PXDNL: variants seen among roughly 807,000 people sequenced by gnomAD.
The protein encoded by PXDNL is probable oxidoreductase PXDNL.
PXDNL carries 145 observed loss-of-function variants against 150.8 expected under a neutral mutation model. The ratio of observed to expected loss-of-function variants is 0.96; its 90% CI spans 0.84 to 1.10. PXDNL has a LOEUF of 1.10. Ranked by LOEUF, PXDNL falls within the 50% of genes least tolerant of loss-of-function variation. The pLI, the probability that PXDNL is intolerant of heterozygous loss-of-function variation, is 0.00. For synonymous variants in PXDNL, 757 were observed against 725.7 expected, an observed-to-expected ratio of 1.04 and a Z score of -0.69; for missense variants, 2,087 against 1,873.9, an observed-to-expected ratio of 1.11 and a Z score of -2.10.
At chr8:51,483,931 G>A (rs1810662902) in intron 5 of PXDNL, among the ~76,000 whole-genome samples, 1 of 151,968 alleles carries the variant, frequency 6.6e-6, no homozygotes, top group Non-Finnish European at 1.5e-5. Flanking sequence ...TCACATCTGT[G>A]TACTTTTGAT....
chr8:51,575,225 G>A (rs1375216060), intron 3 of PXDNL, among the ~76,000 whole-genome samples: 2 of 151,722 alleles, frequency 1.3e-5, no homozygotes, highest in Non-Finnish European at 2.9e-5. Context: ...TTTAATACCT[G>A]AGCACCCACT....
intron 2 of PXDNL, among the ~76,000 whole-genome samples, chr8:51,614,389 G>T (rs1323780387): frequency 6.6e-6 from 1 of 152,198 alleles, no homozygotes; most frequent in Non-Finnish European, 1.5e-5. Context: ...GCCAATTGCA[G>T]GTGGCCAACT....
intron 5 of PXDNL, among the ~76,000 whole-genome samples, chr8:51,493,649 G>C (rs1810957811): frequency 6.6e-6 from 1 of 152,186 alleles, no homozygotes; most frequent in Non-Finnish European, 1.5e-5. Context: ...AGCCTCAGTA[G>C]CCGATTTGAT....
chr8:51,629,192 A>G (rs1428368863), intron 2 of PXDNL, among the ~76,000 whole-genome samples: 1 of 152,226 alleles, frequency 6.6e-6, no homozygotes, highest in Non-Finnish European at 1.5e-5. Flanking sequence ...ATAGAGAAAT[A>G]GAAAGTATGT....
chr8:51,603,429 G>T (rs73678925), intron 2 of PXDNL, among the ~76,000 whole-genome samples: 5,382 of 152,016 alleles, frequency 0.035, 326 homozygotes, highest in African/African-American at 0.12. Flanking sequence ...CCTTGTGTGT[G>T]CTATGTAGTT....
At chr8:51,633,718 T>C (rs557115606) in intron 2 of PXDNL, among the ~76,000 whole-genome samples, 34 of 152,320 alleles carry the variant, frequency 2.2e-4, no homozygotes, top group Admixed American at 1.5e-3. Context: ...TCAATTTGCA[T>C]TTCTCAGATG....
chr8:51,458,511 T>C (rs1809989711), intron 8 of PXDNL, among the ~76,000 whole-genome samples: 1 of 152,238 alleles, frequency 6.6e-6, no homozygotes. Flanking sequence ...ATGAACGTTT[T>C]AGGCATAGAT....
intron 4 of PXDNL, among the ~76,000 whole-genome samples, chr8:51,537,569 CAG>C (rs1232211863): frequency 6.6e-6 from 1 of 152,182 alleles, no homozygotes; most frequent in Non-Finnish European, 1.5e-5. Flanking sequence ...CAAAGAGCAA[CAG>C]GGGGGAAGAG....
intron 4 of PXDNL, among the ~76,000 whole-genome samples, chr8:51,541,182 C>T (rs770336998): frequency 6.7e-5 from 10 of 148,664 alleles, no homozygotes; most frequent in Admixed American, 2.0e-4. Flanking sequence ...CACTTGAACC[C>T]GGGAGGCAGA....
intron 1 of PXDNL, among the ~76,000 whole-genome samples, chr8:51,670,237 A>ACG (rs1815472259): frequency 6.6e-6 from 1 of 151,384 alleles, no homozygotes; most frequent in Non-Finnish European, 1.5e-5. Flanking sequence ...ATTCCGTCTC[A>ACG]CACACACACA....
intron 1 of PXDNL, among the ~76,000 whole-genome samples, chr8:51,700,314 T>C (rs1203116435): frequency 1.3e-5 from 2 of 150,784 alleles, no homozygotes; most frequent in African/African-American, 2.4e-5. Context: ...TATACACACA[T>C]ACAAAAATAA....
intron 14 of PXDNL, among the ~76,000 whole-genome samples, chr8:51,413,507 G>T (rs947379750): frequency 1.3e-5 from 2 of 152,098 alleles, no homozygotes; most frequent in African/African-American, 4.8e-5. Flanking sequence ...ATCTAGTAAA[G>T]CTATGTAAAA....
chr8:51,495,027 G>T (rs1456186311), intron 5 of PXDNL, among the ~76,000 whole-genome samples: 1 of 152,128 alleles, frequency 6.6e-6, no homozygotes, highest in African/African-American at 2.4e-5. Context: ...CACATAGTTG[G>T]AAGTAAAGCA....
chr8:51,346,247 G>A (rs1806154518), intron 19 of PXDNL, among the ~76,000 whole-genome samples: 1 of 152,218 alleles, frequency 6.6e-6, no homozygotes, highest in Admixed American at 6.5e-5. Flanking sequence ...TAAGGGCATG[G>A]ATTGCATGGT....
intron 1 of PXDNL, among the ~76,000 whole-genome samples, chr8:51,711,681 G>A (rs1323080392): frequency 6.6e-6 from 1 of 152,182 alleles, no homozygotes; most frequent in Admixed American, 6.5e-5. Context: ...ACTTTGTTTT[G>A]TTAAGGAACT....
chr8:51,731,708 G>C (rs961610677), intron 1 of PXDNL, among the ~76,000 whole-genome samples: 4 of 152,156 alleles, frequency 2.6e-5, no homozygotes, highest in African/African-American at 7.2e-5. Flanking sequence ...TCTAGGCAGG[G>C]GTTCCCAAAC....
intron 14 of PXDNL, among the ~76,000 whole-genome samples, chr8:51,420,396 T>G (rs1808916762): frequency 6.6e-6 from 1 of 152,216 alleles, no homozygotes; most frequent in Admixed American, 6.5e-5. Flanking sequence ...ACTCCTTGTC[T>G]TGGATCTTAA....
intron 21 of PXDNL, among the ~76,000 whole-genome samples, chr8:51,328,165 T>C (rs1238303217): frequency 6.6e-6 from 1 of 152,228 alleles, no homozygotes; most frequent in Non-Finnish European, 1.5e-5. Flanking sequence ...TTCCACTTCA[T>C]CTGCACCATC....
intron 1 of PXDNL, among the ~76,000 whole-genome samples, chr8:51,764,064 T>G (rs1482189438): frequency 1.3e-5 from 2 of 152,176 alleles, no homozygotes; most frequent in African/African-American, 4.8e-5. Context: ...TTCTAGGAAT[T>G]TGTTCATCTC....
Sources: gnomAD v4.1 joint callset for allele counts (sites outside exome capture counted in the v4.1 genomes callset) on GRCh38, gnomAD v4.1.1 for gene constraint, MANE v1.5 for transcripts, NCBI Gene and HGNC (gene_info 2026-07-23, HGNC 2026-07-21) for gene names.